Variants in KCNK12 observed in about 807,000 individuals in gnomAD.
The protein encoded by KCNK12 is potassium channel subfamily K member 12.
In KCNK12, 6 loss-of-function variants were observed where a neutral mutation model predicts 25.3. The ratio of observed to expected loss-of-function variants is 0.24; its 90% confidence interval spans 0.13 to 0.47. The LOEUF is 0.47. Ranked by LOEUF, KCNK12 falls within the 20% of genes least tolerant of loss-of-function variation. The pLI is 0.99. For missense variants in KCNK12, 444 were observed against 661.7 expected (o/e 0.67, Z 3.61); for synonymous variants, 331 against 311.1 (o/e 1.06, Z -0.67).
rs1213140435 is a variant in KCNK12 at position 47,513,632 on chromosome 2, C to T, written c.*7275G>A. Among the ~76,000 whole-genome samples, 1 of 152,104 alleles carries T rather than the reference C, an allele frequency of 6.6e-6. No individual in the cohort carries two copies. The highest frequency in any genetic ancestry group is 1.5e-5 in the Non-Finnish European group (1 of 68,020). On this transcript the variant is annotated 3_prime_UTR_variant, in exon 2 of 2. Transcript: ENST00000327876. Reference sequence around the variant, plus strand: ...CAAGGCCAATTGCTTGGTGGGAACCCCTCCCCCATGGTTATCTCATGGGTC... The same window carrying T: ...CAAGGCCAATTGCTTGGTGGGAACCTCTCCCCCATGGTTATCTCATGGGTC...
chr2:47,522,972 A>G (rs796934683), intron 1 of KCNK12, among the ~76,000 whole-genome samples: 1 of 152,088 alleles, frequency 6.6e-6, no homozygotes, highest in Non-Finnish European at 1.5e-5. Context: ...AACTCTGCCT[A>G]CTAACTAAAG....
At chr2:47,523,664 G>C (rs373330122) in intron 1 of KCNK12, among the ~76,000 whole-genome samples, 6 of 152,298 alleles carry the variant, frequency 3.9e-5, no homozygotes, top group South Asian at 4.2e-4. Flanking sequence ...GCTGTGGTCT[G>C]TGGGACCCGT....
intron 1 of KCNK12, among the ~76,000 whole-genome samples, chr2:47,534,624 C>T (rs1025421512): frequency 6.9e-6 from 1 of 145,868 alleles, no homozygotes; most frequent in Admixed American, 7.3e-5. Flanking sequence ...GGGACAAAGA[C>T]GTGACTGATG....
In KCNK12 at chr2:47,511,496, G is replaced by C. The variant is rs1668401517; in HGVS notation, c.*9411C>G. Among the ~76,000 whole-genome samples, 1 of 152,212 alleles carries C rather than the reference G, an allele frequency of 6.6e-6. No individual in the cohort carries two copies. Among genetic ancestry groups the C allele is most frequent in the Admixed American group, 6.5e-5 (1 of 15,284 alleles). ...CCCCAGCATCTGTGGTGTCTGTGGTGGGAGGGGCTTCCATATTACAGAGAG... is the reference window on the plus strand; with the variant it reads ...CCCCAGCATCTGTGGTGTCTGTGGTCGGAGGGGCTTCCATATTACAGAGAG... On this transcript the variant is annotated 3_prime_UTR_variant, in exon 2 of 2. Transcript: ENST00000327876. This position sits in a 1 kb window ranked among gnomAD's most constrained non-coding sequence, Gnocchi z 4.3.
chr2:47,560,216 G>T lies in KCNK12; in HGVS notation c.391+9725C>A, dbSNP rs1340474758. On this transcript the variant is annotated intron_variant, in intron 1 of 1. Transcript: ENST00000327876. The surrounding 1 kb of genome is among the most constrained non-coding windows in gnomAD (Gnocchi z 4.7). The stretch of plus-strand genomic sequence containing the variant: ...CCAGTGCAAGGCTGAGGGTTCTCAG[G>T]TCTGGGCGGGAGCTCGGTCCTCTTC... 6.6e-6 allele frequency among the ~76,000 whole-genome samples: 1 copy of T among 152,212 alleles called. No individual in the cohort carries two copies. The highest frequency in any genetic ancestry group is 1.5e-5 in the Non-Finnish European group (1 of 68,044).
rs775902344 is a variant in KCNK12 at position 47,518,976 on chromosome 2, T to G, written c.*1931A>C. On this transcript the variant is annotated 3_prime_UTR_variant, in exon 2 of 2. Transcript: ENST00000327876. This position sits in a 1 kb window ranked among gnomAD's most constrained non-coding sequence, Gnocchi z 4.1. The stretch of plus-strand genomic sequence containing the variant: ...CCCTGCGTGGGCAATCCCTTCACTG[T>G]GACCGCAACCATGGGTTGGATGGGG... 6.6e-6 allele frequency: 1 copy of G among 152,386 alleles called. No individual in the cohort carries two copies. The highest frequency in any genetic ancestry group is 1.9e-4 in the East Asian group (1 of 5,188). The allele number at this position is 152,386 out of a possible 1,614,324, so 9.4% of individuals were successfully genotyped here.
Position 47,514,612 on chromosome 2 carries a change from T to C in KCNK12, c.*6295A>G, listed in dbSNP as rs764457656. On this transcript the variant is annotated 3_prime_UTR_variant, in exon 2 of 2. Transcript: ENST00000327876. The surrounding 1 kb of genome is among the most constrained non-coding windows in gnomAD (Gnocchi z 5.0). ...TTTTCTTTTCTTCCTTTTTCTTTTT[T>C]TTTTTTCTTTCTTTTTGAGACAGGG... Among the ~76,000 whole-genome samples the C allele has an allele frequency of 2.0e-5, 3 of 151,904 alleles. No homozygotes were observed. The highest frequency in any genetic ancestry group is 4.4e-5 in the Non-Finnish European group (3 of 67,946).
At position 47,552,764 on chromosome 2, in the gene KCNK12, G is replaced by C. The variant is rs980952841; in HGVS notation, c.391+17177C>G. ...GCCTGGATGACAGAGTGAGACTCTG[G>C]CTCCAAAAAAAAGAAAAAAAAAGGA... On this transcript the variant is annotated intron_variant, in intron 1 of 1. Coordinates refer to ENST00000327876, the MANE Select transcript of KCNK12 (RefSeq NM_022055.2). Among the ~76,000 whole-genome samples, 4 of 147,780 alleles carry C rather than the reference G, an allele frequency of 2.7e-5. No homozygotes were observed. The South Asian group carries it at 8.4e-4, about 31-fold the overall frequency.
chr2:47,512,960 C>G lies in KCNK12; in HGVS notation c.*7947G>C, dbSNP rs985491119. 6.5e-6 allele frequency: 1 copy of G among 154,584 alleles called. No homozygotes were observed. Among genetic ancestry groups the G allele is most frequent in the African/African-American group, 2.4e-5 (1 of 41,448 alleles). The allele number at this position is 154,584 out of a possible 1,614,324, so 9.6% of individuals were successfully genotyped here. Reference sequence around the variant, plus strand: ...TGAACAACACTCTTCTTGGGAGTACCAGCCTTGCTTGGTTCATGGCCACTT... The same window carrying G: ...TGAACAACACTCTTCTTGGGAGTACGAGCCTTGCTTGGTTCATGGCCACTT... On this transcript the variant is annotated 3_prime_UTR_variant, in exon 2 of 2. Coordinates refer to ENST00000327876, the MANE Select transcript of KCNK12 (RefSeq NM_022055.2).
intron 1 of KCNK12, chr2:47,563,444 A>G (rs922934764): frequency 8.6e-6 from 2 of 233,114 alleles, no homozygotes; most frequent in African/African-American, 4.4e-5. Context: ...GGCAATATTG[A>G]TGTAACTCTT....
chr2:47,553,269 C>T (rs567983868), intron 1 of KCNK12, among the ~76,000 whole-genome samples: 11 of 152,124 alleles, frequency 7.2e-5, no homozygotes, highest in East Asian at 3.8e-4. Flanking sequence ...CCACTTAGAG[C>T]GCGTAAAGAA....
chr2:47,522,063 G>GT (rs1416056009), intron 1 of KCNK12, among the ~76,000 whole-genome samples: 3 of 152,202 alleles, frequency 2.0e-5, no homozygotes, highest in African/African-American at 7.2e-5. Flanking sequence ...ATAAACCCAA[G>GT]TGGTTGGGAC....
intron 1 of KCNK12, among the ~76,000 whole-genome samples, chr2:47,544,704 T>A (rs536106039): frequency 3.8e-4 from 58 of 152,308 alleles, no homozygotes; most frequent in African/African-American, 1.3e-3. Context: ...ACAACCCAAT[T>A]ACTCACACAG....
Position 47,509,971 on chromosome 2 carries a change from C to T in KCNK12, c.*10936G>A, listed in dbSNP as rs1422470078. 6.6e-6 allele frequency: 1 copy of T among 152,210 alleles called. No homozygotes were observed. Among genetic ancestry groups the T allele is most frequent in the Non-Finnish European group, 1.5e-5 (1 of 68,062 alleles). 9.4% of individuals were successfully genotyped at this position (152,210 alleles called of 1,614,324 possible). On this transcript the variant is annotated 3_prime_UTR_variant, in exon 2 of 2. Coordinates refer to ENST00000327876, the MANE Select transcript of KCNK12 (RefSeq NM_022055.2). Reference sequence around the variant, plus strand: ...CTCACTTCACACCCATCCCAATCCCCTCCCCCTTGCTGTCCTCTTGTACAG... The same window carrying T: ...CTCACTTCACACCCATCCCAATCCCTTCCCCCTTGCTGTCCTCTTGTACAG...
At position 47,528,932 on chromosome 2, in the gene KCNK12, C is replaced by T. The variant is rs569550045; in HGVS notation, c.392-7124G>A. On this transcript the variant is annotated intron_variant, in intron 1 of 1. Coordinates refer to ENST00000327876, the MANE Select transcript of KCNK12 (RefSeq NM_022055.2). The surrounding 1 kb of genome is among the most constrained non-coding windows in gnomAD (Gnocchi z 4.5). ...TCCTCCCATCCAGGCCCCCAGCCAC[C>T]CTGTGAGGGAGGCACTATTACGCCC... 2 of 152,586 alleles carry T rather than the reference C, an allele frequency of 1.3e-5. No individual in the cohort carries two copies. The highest frequency in any genetic ancestry group is 3.9e-4 in the East Asian group (2 of 5,194). The allele number at this position is 152,586 out of a possible 1,614,324, so 9.5% of individuals were successfully genotyped here.
rs771556354 is a variant in KCNK12 at position 47,557,634 on chromosome 2, C to G, written c.391+12307G>C. Among the ~76,000 whole-genome samples the G allele has an allele frequency of 6.6e-6, 1 of 152,076 alleles. No individual in the cohort carries two copies. Among genetic ancestry groups the G allele is most frequent in the Non-Finnish European group, 1.5e-5 (1 of 68,024 alleles). ...GATACATGAATAATGCATACCTGCC[C>G]GGCTGAACAATGCACATCAAGGAGC... On this transcript the variant is annotated intron_variant, in intron 1 of 1. Transcript: ENST00000327876. The surrounding 1 kb of genome is among the most constrained non-coding windows in gnomAD (Gnocchi z 4.9).
chr2:47,530,419 G>A (rs1668894105), intron 1 of KCNK12, among the ~76,000 whole-genome samples: 2 of 152,054 alleles, frequency 1.3e-5, no homozygotes, highest in East Asian at 1.9e-4. Flanking sequence ...TCACACCCCC[G>A]GGGAGGACAA....
rs6753306 is a variant in KCNK12 at position 47,555,829 on chromosome 2, G to A, written c.391+14112C>T. ...GGTCACATAGAGATCCAGCAAAAAG[G>A]ACCAAGGAAAGCAGCCAGTGAGGAT... On this transcript the variant is annotated intron_variant, in intron 1 of 1. Transcript: ENST00000327876. This position sits in a 1 kb window ranked among gnomAD's most constrained non-coding sequence, Gnocchi z 4.5. The A allele has an allele frequency of 1.3e-5, 2 of 152,270 alleles. No homozygotes were observed. The highest frequency in any genetic ancestry group is 4.8e-5 in the African/African-American group (2 of 41,450). 9.4% of individuals were successfully genotyped at this position (152,270 alleles called of 1,614,324 possible). A position where few individuals can be genotyped will look rare whatever the true frequency, so the allele number is the denominator to read the frequency against.
rs757349534 is a variant in KCNK12 at position 47,513,592 on chromosome 2, T to C, written c.*7315A>G. ...GTTGGTCTAGCCTGGGTCATTGTTA[T>C]GAGCTCTAGACTCACAAGGCCAATT... On this transcript the variant is annotated 3_prime_UTR_variant, in exon 2 of 2. Transcript: ENST00000327876. Among the ~76,000 whole-genome samples the C allele has an allele frequency of 6.6e-6, 1 of 152,232 alleles. No individual in the cohort carries two copies. The highest frequency in any genetic ancestry group is 1.5e-5 in the Non-Finnish European group (1 of 68,036).
Sources: gnomAD v4.1 joint callset for allele counts (sites outside exome capture counted in the v4.1 genomes callset) on GRCh38, gnomAD v4.1.1 for gene constraint, Gnocchi (gnomAD v3.1) non-coding constraint, MANE v1.5 for transcripts, NCBI Gene and HGNC (gene_info 2026-07-23, HGNC 2026-07-21) for gene names.